The following GPR39 variants were observed in gnomAD, a reference collection of about 807,000 sequenced individuals.
The protein encoded by GPR39 is G protein-coupled receptor 39, also known as zinc sensing receptor.
A neutral mutation model predicts 18.4 loss-of-function variants in GPR39; 23 were observed. That is an observed-to-expected ratio of 1.25 (90% CI 0.90 to 1.77). GPR39 has a LOEUF of 1.77. Ranked by LOEUF, GPR39 falls within the 40% of genes most tolerant of loss-of-function variation. The pLI, the probability that GPR39 is intolerant of heterozygous loss-of-function variation, is 0.00. For synonymous variants in GPR39, 280 were observed against 257.9 expected, an observed-to-expected ratio of 1.09 and a Z score of -0.82; for missense variants, 647 against 602.4, an observed-to-expected ratio of 1.07 and a Z score of -0.78.
chr2:132,602,971 T>C (rs534394883), intron 1 of GPR39, among the ~76,000 whole-genome samples: 3 of 151,014 alleles, frequency 2.0e-5, no homozygotes, highest in Non-Finnish European at 4.4e-5. Context: ...TGAAAAACAG[T>C]ATGGAGGTTT....
chr2:132,442,569 A>G (rs7584865), intron 1 of GPR39, among the ~76,000 whole-genome samples: 115,519 of 152,162 alleles, frequency 0.76, 44,116 homozygotes, highest in East Asian at 0.89. Context: ...CTTTTGGCTC[A>G]TGCCCCTGTG....
rs558841347 is a variant in GPR39, at chr2:132,514,732, A to G, written c.856+96834A>G. Among the ~76,000 whole-genome samples, 20 of 152,304 alleles carry G rather than the reference A, an allele frequency of 1.3e-4. No homozygotes were observed. The South Asian group carries it at 1.9e-3, about 14-fold the overall frequency. ...TTACATCCTCTGGACTTGGCCCTAG[A>G]TATATTAAATAAATGCCAGAGAAAT... On this transcript the variant is annotated intron_variant, in intron 1 of 1. Coordinates refer to ENST00000329321, the MANE Select transcript of GPR39 (RefSeq NM_001508.3).
chr2:132,591,775 T>C (rs937758779), intron 1 of GPR39, among the ~76,000 whole-genome samples: 18 of 152,160 alleles, frequency 1.2e-4, no homozygotes, highest in African/African-American at 4.3e-4. Context: ...AAAGGACATG[T>C]TGGTAGTTTC....
chr2:132,449,952 T>G (rs1396876385), intron 1 of GPR39, among the ~76,000 whole-genome samples: 1 of 152,134 alleles, frequency 6.6e-6, no homozygotes, highest in Non-Finnish European at 1.5e-5. Context: ...CAAAATCTTT[T>G]GGGCACAAGT....
intron 1 of GPR39, among the ~76,000 whole-genome samples, chr2:132,618,020 G>A (rs922032151): frequency 2.6e-5 from 4 of 152,126 alleles, no homozygotes; most frequent in South Asian, 2.1e-4. Context: ...CCTAAAACTC[G>A]TCTTGGTCTG....
intron 1 of GPR39, among the ~76,000 whole-genome samples, chr2:132,564,810 C>CTTTTTTCTTTTTT (rs1680317290): frequency 1.0e-5 from 1 of 95,440 alleles, no homozygotes; most frequent in African/African-American, 3.9e-5. Context: ...TTTCTTTTTT[C>CTTTTTTCTTTTTT]TTTTTTTTTT....
chr2:132,467,700 A>T (rs973041105), intron 1 of GPR39, among the ~76,000 whole-genome samples: 1 of 152,234 alleles, frequency 6.6e-6, no homozygotes, highest in African/African-American at 2.4e-5. Flanking sequence ...AATAATAAAG[A>T]TGATGTATAC....
intron 1 of GPR39, among the ~76,000 whole-genome samples, chr2:132,529,026 C>T (rs971276081): frequency 2.6e-5 from 4 of 152,140 alleles, no homozygotes; most frequent in African/African-American, 9.7e-5. Flanking sequence ...GGGTGCAGGA[C>T]AGTGGGTGCA....
intron 1 of GPR39, among the ~76,000 whole-genome samples, chr2:132,509,747 T>G (rs1313908016): frequency 6.6e-6 from 1 of 152,160 alleles, no homozygotes. Flanking sequence ...ATTGTGCATG[T>G]GGTGCAGCAG....
intron 1 of GPR39, among the ~76,000 whole-genome samples, chr2:132,571,751 G>C (rs1208643477): frequency 6.6e-6 from 1 of 152,118 alleles, no homozygotes; most frequent in African/African-American, 2.4e-5. Context: ...GGCTTTCAAA[G>C]AGATTTCAGT....
intron 1 of GPR39, among the ~76,000 whole-genome samples, chr2:132,512,272 A>G (rs975651145): frequency 7.2e-5 from 11 of 152,214 alleles, no homozygotes; most frequent in Non-Finnish European, 1.5e-4. Context: ...CTGGAAGAAT[A>G]GGCCCAGTTA....
intron 1 of GPR39, among the ~76,000 whole-genome samples, chr2:132,515,229 CCTT>C (rs1171276082): frequency 6.6e-6 from 1 of 152,196 alleles, no homozygotes; most frequent in Non-Finnish European, 1.5e-5. Flanking sequence ...GCCTAAGTCT[CCTT>C]CTAGTGACAA....
In GPR39 at chr2:132,493,527, T is replaced by TATATATATAC. The variant is rs1553451805; in HGVS notation, c.856+75630_856+75631insTATATATACA. ...CACCATATATATATATATATATATATACACACACCATATATATATATATGG... is the reference window on the plus strand; with the variant it reads ...CACCATATATATATATATATATATATATATATATACACACACACCATATATATATATATGG... On this transcript the variant is annotated intron_variant, in intron 1 of 1. Transcript: ENST00000329321. 3.0e-4 allele frequency among the ~76,000 whole-genome samples: 39 copies of TATATATATAC among 129,980 alleles called. No homozygotes were observed. In the East Asian group the frequency reaches 4.4e-3, roughly 15 times the overall value. The allele number at this position is 129,980 out of a possible 152,430, so 85.3% of individuals were successfully genotyped here.
At chr2:132,540,306 G>T (rs1257702846) in intron 1 of GPR39, among the ~76,000 whole-genome samples, 2 of 152,158 alleles carry the variant, frequency 1.3e-5, no homozygotes. Flanking sequence ...GGCAGCATGA[G>T]CCCCAGGGTT....
At chr2:132,639,707 A>T (rs1278638153) in intron 1 of GPR39, among the ~76,000 whole-genome samples, 1 of 152,130 alleles carries the variant, frequency 6.6e-6, no homozygotes, top group Non-Finnish European at 1.5e-5. Context: ...TTTTGTTTTA[A>T]TCTTCTTTGG....
rs16831419 is a variant in GPR39 at position 132,420,238 on chromosome 2, A to C, written c.856+2340A>C. ...CTGGGGGAATTTACCGTTTGTATTT[A>C]GCCCATTTTCTCTGCGGTAGGTTTT... On this transcript the variant is annotated intron_variant, in intron 1 of 1. Coordinates refer to ENST00000329321, the MANE Select transcript of GPR39 (RefSeq NM_001508.3). 9.2e-3 allele frequency among the ~76,000 whole-genome samples: 1,406 copies of C among 152,306 alleles called. 25 individuals are homozygous for C. Among genetic ancestry groups the C allele is most frequent in the African/African-American group, 0.029 (1,200 of 41,536 alleles).
intron 1 of GPR39, among the ~76,000 whole-genome samples, chr2:132,550,682 T>A (rs138694597): frequency 2.0e-5 from 3 of 152,262 alleles, no homozygotes; most frequent in Non-Finnish European, 4.4e-5. Context: ...ACCCCAGGAG[T>A]TATCCAGTCT....
chr2:132,611,868 A>C (rs544718914), intron 1 of GPR39, among the ~76,000 whole-genome samples: 11 of 152,298 alleles, frequency 7.2e-5, no homozygotes, highest in African/African-American at 1.2e-4. Context: ...CCTTAAATGC[A>C]GTTAGTGAAG....
intron 1 of GPR39, among the ~76,000 whole-genome samples, chr2:132,605,235 G>C (rs1275762462): frequency 6.6e-6 from 1 of 152,208 alleles, no homozygotes; most frequent in Non-Finnish European, 1.5e-5. Flanking sequence ...CAAAGGTTAG[G>C]TTGATGTGGC....
Sources: gnomAD v4.1 joint callset for allele counts (sites outside exome capture counted in the v4.1 genomes callset) on GRCh38, gnomAD v4.1.1 for gene constraint, MANE v1.5 for transcripts, NCBI Gene and HGNC (gene_info 2026-07-23, HGNC 2026-07-21) for gene names.